Variants in CHD6 observed in about 807,000 individuals in gnomAD.
CHD6 encodes the protein chromodomain helicase DNA binding protein 6.
CHD6 carries 50 observed loss-of-function variants against 276.9 expected under a neutral mutation model. The ratio of observed to expected loss-of-function variants is 0.18; its 90% CI spans 0.14 to 0.23. The LOEUF is 0.23. Ranked by LOEUF, CHD6 falls within the 10% of genes least tolerant of loss-of-function variation. CHD6 has a pLI of 1.00. For missense variants in CHD6, 2,564 were observed against 3,365.8 expected, an observed-to-expected ratio of 0.76 and a Z score of 5.89; for synonymous variants, 1,173 against 1,229.3, an observed-to-expected ratio of 0.95 and a Z score of 0.96.
intron 17 of CHD6, among the ~76,000 whole-genome samples, chr20:41,463,931 G>A (rs958792119): frequency 2.0e-5 from 3 of 152,156 alleles, no homozygotes; most frequent in Non-Finnish European, 2.9e-5. Flanking sequence ...GGACAAGGGG[G>A]TACAATGCCT....
intron 1 of CHD6, among the ~76,000 whole-genome samples, chr20:41,617,512 C>A (rs1307414620): frequency 6.6e-6 from 1 of 152,224 alleles, no homozygotes; most frequent in Non-Finnish European, 1.5e-5. Context: ...AACCAAGTAG[C>A]TGCCAACCCT....
intron 20 of CHD6, among the ~76,000 whole-genome samples, chr20:41,453,502 T>C (rs772658339): frequency 1.3e-5 from 2 of 152,186 alleles, no homozygotes; most frequent in African/African-American, 2.4e-5. Flanking sequence ...CCTGGCTATG[T>C]GTCTTCTCTA....
intron 5 of CHD6, among the ~76,000 whole-genome samples, chr20:41,501,677 C>T (rs910038025): frequency 2.0e-5 from 3 of 152,090 alleles, no homozygotes; most frequent in South Asian, 4.2e-4. Context: ...AGAAGAAATA[C>T]TGGGTTATGG....
intron 27 of CHD6, among the ~76,000 whole-genome samples, chr20:41,431,776 C>CTTTTTGTTTTTTTTTTTT (rs2047544729): frequency 1.9e-5 from 2 of 104,762 alleles, no homozygotes; most frequent in Non-Finnish European, 3.9e-5. Context: ...AAAAAACATG[C>CTTTTTGTTTTTTTTTTTT]TTTTTTTTTT....
intron 1 of CHD6, among the ~76,000 whole-genome samples, chr20:41,588,000 G>A (rs1446140403): frequency 6.6e-6 from 1 of 152,100 alleles, no homozygotes; most frequent in Non-Finnish European, 1.5e-5. Flanking sequence ...GAAAAAGTAA[G>A]AGGGAGCATA....
intron 1 of CHD6, among the ~76,000 whole-genome samples, chr20:41,578,621 A>G (rs1460947111): frequency 6.7e-5 from 10 of 150,104 alleles, no homozygotes; most frequent in Admixed American, 6.6e-4. Context: ...TGGAGGTCGC[A>G]GTGAGCCGAG....
intron 36 of CHD6, among the ~76,000 whole-genome samples, chr20:41,407,438 G>A (rs2046713221): frequency 6.6e-6 from 1 of 152,200 alleles, no homozygotes; most frequent in East Asian, 1.9e-4. Context: ...GGGAAGCTGA[G>A]GATATCTCTG....
At chr20:41,522,899 A>T (rs1307866453) in intron 3 of CHD6, among the ~76,000 whole-genome samples, 1 of 152,200 alleles carries the variant, frequency 6.6e-6, no homozygotes, top group Non-Finnish European at 1.5e-5. Flanking sequence ...TGATTGGTCC[A>T]GGATGGACAC....
intron 1 of CHD6, among the ~76,000 whole-genome samples, chr20:41,593,207 G>GGGT (rs2045682150): frequency 6.6e-6 from 1 of 150,950 alleles, no homozygotes; most frequent in Non-Finnish European, 1.5e-5. Context: ...CAAAAAGGGG[G>GGGT]GGGGGGGTTA....
intron 7 of CHD6, 178 bp downstream of exon 7, chr20:41,497,990 A>G (rs1370064732): frequency 1.7e-6 from 1 of 574,152 alleles, no homozygotes; most frequent in African/African-American, 1.9e-5. Context: ...TCTCCAGGTA[A>G]TTCTGTGTGC....
At chr20:41,615,599 G>A (rs1050874806) in intron 1 of CHD6, among the ~76,000 whole-genome samples, 1 of 152,190 alleles carries the variant, frequency 6.6e-6, no homozygotes, top group Admixed American at 6.5e-5. Context: ...AAAGGGGAAG[G>A]AGGGAAGTAG....
chr20:41,564,175 T>C (rs1305421554), intron 1 of CHD6: 1 of 699,646 alleles, frequency 1.4e-6, no homozygotes, highest in East Asian at 2.6e-5. Context: ...GTTACTCTGT[T>C]AACATTGAAA....
chr20:41,573,673 A>G (rs1447817211), intron 1 of CHD6, among the ~76,000 whole-genome samples: 1 of 152,230 alleles, frequency 6.6e-6, no homozygotes, highest in Non-Finnish European at 1.5e-5. Context: ...GCAAAAAGAA[A>G]AAAACAAAAA....
At chr20:41,453,680 C>A (rs1161564254) in intron 20 of CHD6, among the ~76,000 whole-genome samples, 3 of 152,194 alleles carry the variant, frequency 2.0e-5, no homozygotes, top group Non-Finnish European at 4.4e-5. Context: ...TGCCTGGCTA[C>A]AGGGCCACAG....
At chr20:41,450,903 T>A in intron 23 of CHD6, 43 bp downstream of exon 23, 1 of 1,576,750 alleles carries the variant, frequency 6.3e-7, no homozygotes, top group Non-Finnish European at 8.7e-7. Context: ...CGAAGCAGTC[T>A]GAGCCGGGCT....
intron 16 of CHD6, among the ~76,000 whole-genome samples, chr20:41,476,792 T>G (rs1202010554): frequency 3.3e-5 from 4 of 122,194 alleles, no homozygotes; most frequent in Admixed American, 3.2e-4. Context: ...TCTAAAAAAA[T>G]AAAGAAAGAA....
chr20:41,610,006 G>GCA (rs2045870178), intron 1 of CHD6, among the ~76,000 whole-genome samples: 1 of 151,884 alleles, frequency 6.6e-6, no homozygotes, highest in African/African-American at 2.4e-5. Flanking sequence ...ACAGGCATCT[G>GCA]CCACCATGCT....
intron 36 of CHD6, 99 bp downstream of exon 36, chr20:41,412,045 C>T (rs1358100565): frequency 9.9e-6 from 15 of 1,514,470 alleles, no homozygotes; most frequent in East Asian, 2.3e-5. Flanking sequence ...TGTCTCCCAG[C>T]GAACCCCTTC....
At chr20:41,433,492 T>C (rs921346006) in intron 27 of CHD6, among the ~76,000 whole-genome samples, 1 of 151,958 alleles carries the variant, frequency 6.6e-6, no homozygotes, top group African/African-American at 2.4e-5. Flanking sequence ...CAACCCAGAA[T>C]CCTCCATTTG....
Sources: allele counts gnomAD v4.1 joint callset (sites outside exome capture counted in the v4.1 genomes callset), GRCh38; gene constraint gnomAD v4.1.1; transcripts MANE v1.5; gene names NCBI Gene and HGNC (gene_info 2026-07-23, HGNC 2026-07-21).